CCDC7: variants seen among roughly 807,000 people sequenced by gnomAD.
CCDC7 encodes coiled-coil domain-containing protein 7.
A neutral mutation model predicts 196.9 loss-of-function variants in CCDC7; 183 were observed. That is an observed-to-expected ratio of 0.93 (90% CI 0.82 to 1.05). The LOEUF (loss-of-function observed/expected upper bound fraction) is 1.05, where lower values mean the gene tolerates loss of function less well. Ranked by LOEUF, CCDC7 falls within the 50% of genes least tolerant of loss-of-function variation. The probability of loss-of-function intolerance (pLI) is 0.00; values close to 1 mark genes in which losing one functional copy is unlikely to be tolerated. For synonymous variants in CCDC7, 525 were observed against 484.6 expected, an observed-to-expected ratio of 1.08 and a Z score of -1.10; for missense variants, 1,540 against 1,482.2, an observed-to-expected ratio of 1.04 and a Z score of -0.64.
intron 12 of CCDC7, 83 bp from the exon 14 acceptor site, chr10:32,544,164 G>A (rs1285927686): frequency 2.4e-5 from 28 of 1,171,734 alleles, no homozygotes; most frequent in Middle Eastern, 2.0e-4. Flanking sequence ...TTTTAAAATC[G>A]TTTAAAAAGT....
At chr10:32,735,704 C>T (rs73261266) in intron 28 of CCDC7, among the ~76,000 whole-genome samples, 6,957 of 152,052 alleles carry the variant, frequency 0.046, 537 homozygotes, top group African/African-American at 0.16. Flanking sequence ...ATTTTTTATT[C>T]ATGGATTGTG....
At chr10:32,643,461 G>A (rs2067200847) in intron 20 of CCDC7, among the ~76,000 whole-genome samples, 3 of 151,794 alleles carry the variant, frequency 2.0e-5, no homozygotes, top group Admixed American at 2.0e-4. Flanking sequence ...CAGTGTGACT[G>A]TCTTTTTTTA....
chr10:32,722,222 C>T (rs1196068452), intron 25 of CCDC7, among the ~76,000 whole-genome samples: 1 of 152,164 alleles, frequency 6.6e-6, no homozygotes, highest in Non-Finnish European at 1.5e-5. Context: ...GAGCAATTTT[C>T]TTTGGGGCTT....
intron 18 of CCDC7, among the ~76,000 whole-genome samples, chr10:32,623,325 GTTGGATTTTATTT>G (rs1456840071): frequency 3.3e-5 from 5 of 152,002 alleles, no homozygotes; most frequent in African/African-American, 9.7e-5. Context: ...CTTTATTGCA[GTTGGATTTTATTT>G]TTGTATTTGA....
chr10:32,531,879 G>A (rs1021862860), intron 11 of CCDC7, among the ~76,000 whole-genome samples: 1 of 151,936 alleles, frequency 6.6e-6, no homozygotes. Context: ...TGTATTCTGA[G>A]GTCTCAGTTG....
At chr10:32,456,967 A>G (rs1333643247) in intron 3 of CCDC7, among the ~76,000 whole-genome samples, 1 of 151,996 alleles carries the variant, frequency 6.6e-6, no homozygotes, top group African/African-American at 2.4e-5. Flanking sequence ...TAGCATATTC[A>G]TCACGTCAAA....
intron 28 of CCDC7, among the ~76,000 whole-genome samples, chr10:32,774,922 T>C (rs187059508): frequency 1.3e-5 from 2 of 152,294 alleles, no homozygotes; most frequent in Admixed American, 1.3e-4. Context: ...TATTATTAAA[T>C]CTTTTGTTGT....
chr10:32,540,899 G>A (rs888029707), intron 11 of CCDC7, among the ~76,000 whole-genome samples: 8 of 152,028 alleles, frequency 5.3e-5, no homozygotes, highest in Non-Finnish European at 1.0e-4. Flanking sequence ...TATATTTCCC[G>A]GATTTGAATG....
chr10:32,782,908 C>G (rs2081281846), intron 29 of CCDC7, among the ~76,000 whole-genome samples: 1 of 152,184 alleles, frequency 6.6e-6, no homozygotes, highest in African/African-American at 2.4e-5. Context: ...AGAAGGCAGT[C>G]TTTCCACAAA....
chr10:32,561,744 G>C (rs2055690750), intron 13 of CCDC7, among the ~76,000 whole-genome samples: 1 of 152,144 alleles, frequency 6.6e-6, no homozygotes, highest in African/African-American at 2.4e-5. Context: ...AAAAGAACTA[G>C]AAAAGCAAGA....
intron 9 of CCDC7, among the ~76,000 whole-genome samples, chr10:32,505,647 G>A (rs1239371832): frequency 6.6e-6 from 1 of 150,662 alleles, no homozygotes; most frequent in African/African-American, 2.4e-5. Context: ...TTTTCTTTTC[G>A]ACAAAACCGC....
chr10:32,682,624 G>A (rs1445451439), intron 21 of CCDC7, among the ~76,000 whole-genome samples: 4 of 152,126 alleles, frequency 2.6e-5, no homozygotes, highest in Non-Finnish European at 4.4e-5. Context: ...AATGTATAAA[G>A]CCTTCCTTTT....
chr10:32,542,069 T>C (rs1184778068), intron 11 of CCDC7, among the ~76,000 whole-genome samples: 1 of 152,156 alleles, frequency 6.6e-6, no homozygotes, highest in Non-Finnish European at 1.5e-5. Flanking sequence ...TTGTTTCTGC[T>C]CTGTGAGAAT....
At chr10:32,451,883 G>A (rs1008455494) in exon 1 of CCDC7, 5 of 1,611,980 alleles carry the variant, frequency 3.1e-6, no homozygotes, top group Non-Finnish European at 4.2e-6. Flanking sequence ...ACTACCAGAA[G>A]ATGAAATGAT....
intron 16 of CCDC7, chr10:32,574,434 A>G (rs183295424): frequency 6.3e-7 from 1 of 1,591,640 alleles, no homozygotes; most frequent in African/African-American, 1.4e-5. Context: ...CTTAGATGCT[A>G]ATAGAGTTTC....
chr10:32,639,273 T>A (rs1411319132), intron 20 of CCDC7, among the ~76,000 whole-genome samples: 6 of 152,232 alleles, frequency 3.9e-5, no homozygotes, highest in Admixed American at 1.3e-4. Context: ...TGCCTTCTGC[T>A]AGCTTTTGAA....
intron 21 of CCDC7, among the ~76,000 whole-genome samples, chr10:32,681,838 G>T (rs2075903357): frequency 6.7e-6 from 1 of 150,216 alleles, no homozygotes; most frequent in Non-Finnish European, 1.5e-5. Flanking sequence ...CATGGATATA[G>T]ACCTGTAAAG....
chr10:32,620,637 G>A (rs541478937), intron 18 of CCDC7, among the ~76,000 whole-genome samples: 11 of 152,202 alleles, frequency 7.2e-5, no homozygotes, highest in African/African-American at 2.4e-4. Context: ...GCTAGACACT[G>A]TTGATTTTGT....
chr10:32,830,777 G>A (rs926403215), intron 32 of CCDC7, among the ~76,000 whole-genome samples: 8 of 151,990 alleles, frequency 5.3e-5, no homozygotes, highest in African/African-American at 1.9e-4. Flanking sequence ...TACTAGGAGG[G>A]AAAGAACAAA....
Sources: gnomAD v4.1 joint callset for allele counts (sites outside exome capture counted in the v4.1 genomes callset) on GRCh38, gnomAD v4.1.1 for gene constraint, MANE v1.5 for transcripts, NCBI Gene and HGNC (gene_info 2026-07-23, HGNC 2026-07-21) for gene names.